Variants in LSAMP observed in about 807,000 individuals in gnomAD.
LSAMP encodes limbic system-associated membrane protein.
Under a neutral mutation model 38.6 loss-of-function variants are expected in LSAMP, and 7 were observed. That is an observed-to-expected ratio of 0.18 (90% confidence interval 0.10 to 0.34). The LOEUF is 0.34. Ranked by LOEUF, LSAMP falls within the 10% of genes least tolerant of loss-of-function variation. The probability of loss-of-function intolerance (pLI) is 1.00; values close to 1 mark genes in which losing one functional copy is unlikely to be tolerated. For synonymous variants in LSAMP, 154 were observed against 166.8 expected, an observed-to-expected ratio of 0.92 and a Z score of 0.59; for missense variants, 313 against 420.0, an observed-to-expected ratio of 0.75 and a Z score of 2.23.
intron 3 of LSAMP, among the ~76,000 whole-genome samples, chr3:115,867,753 AAC>A (rs1935902460): frequency 6.6e-6 from 1 of 151,958 alleles, no homozygotes; most frequent in Non-Finnish European, 1.5e-5. Flanking sequence ...GGTCAGGGCA[AAC>A]AGAGAGATTT....
At chr3:115,924,122 A>G (rs1937445733) in intron 3 of LSAMP, among the ~76,000 whole-genome samples, 1 of 152,128 alleles carries the variant, frequency 6.6e-6, no homozygotes, top group African/African-American at 2.4e-5. Context: ...CAAAGATACT[A>G]AAGTTTTGAA....
intron 1 of LSAMP, among the ~76,000 whole-genome samples, chr3:116,218,678 A>G (rs1445234524): frequency 6.6e-6 from 1 of 152,064 alleles, no homozygotes; most frequent in African/African-American, 2.4e-5. Context: ...CCCAGGATGG[A>G]GTTCAGTGGC....
intron 3 of LSAMP, among the ~76,000 whole-genome samples, chr3:115,982,585 A>G (rs929389761): frequency 1.3e-5 from 2 of 152,192 alleles, no homozygotes; most frequent in Admixed American, 6.5e-5. Context: ...ACACTCTGTG[A>G]CTAGTTTCTC....
intron 1 of LSAMP, among the ~76,000 whole-genome samples, chr3:116,349,007 C>T (rs1165773043): frequency 6.6e-6 from 1 of 152,076 alleles, no homozygotes; most frequent in Non-Finnish European, 1.5e-5. Flanking sequence ...GGCTTAGCTT[C>T]TCGGCAGACC....
chr3:116,429,068 A>G (rs1444272996), intron 1 of LSAMP, among the ~76,000 whole-genome samples: 1 of 152,150 alleles, frequency 6.6e-6, no homozygotes, highest in African/African-American at 2.4e-5. Flanking sequence ...CCAAAATGCT[A>G]TATTATATAT....
intron 2 of LSAMP, among the ~76,000 whole-genome samples, chr3:116,034,147 A>G (rs1031798767): frequency 1.3e-5 from 2 of 152,090 alleles, no homozygotes; most frequent in Non-Finnish European, 2.9e-5. Flanking sequence ...TGGTCATGCA[A>G]TTGGATGCAC....
intron 3 of LSAMP, among the ~76,000 whole-genome samples, chr3:115,925,413 G>T (rs1453493881): frequency 6.6e-6 from 1 of 152,148 alleles, no homozygotes; most frequent in Non-Finnish European, 1.5e-5. Context: ...TTAGAAGATA[G>T]AATTTTTTAA....
chr3:115,839,046 G>A lies in LSAMP; in HGVS notation c.919+2799C>T, dbSNP rs375762016. On this transcript the variant is annotated intron_variant, in intron 6 of 6. Transcript: ENST00000490035. ...CCCACACAGTGCTTCCGTCAGGGCC[G>A]TGGCCACAGACACCTGCCCCCAAGC... Among the ~76,000 whole-genome samples the A allele has an allele frequency of 3.9e-5, 6 of 152,122 alleles. No homozygotes were observed. In the South Asian group the frequency reaches 6.2e-4, roughly 16 times the overall value.
intron 1 of LSAMP, among the ~76,000 whole-genome samples, chr3:116,295,742 T>C (rs2047323481): frequency 6.6e-6 from 1 of 152,174 alleles, no homozygotes; most frequent in Non-Finnish European, 1.5e-5. Flanking sequence ...CAAAAAGGTA[T>C]TATGTATTGA....
intron 3 of LSAMP, among the ~76,000 whole-genome samples, chr3:115,981,335 C>A (rs1047009254): frequency 4.0e-5 from 6 of 151,846 alleles, no homozygotes; most frequent in African/African-American, 1.5e-4. Context: ...AAAGCTAGAC[C>A]TTTTGCAATG....
intron 1 of LSAMP, among the ~76,000 whole-genome samples, chr3:116,350,694 G>T (rs1559837710): frequency 1.3e-5 from 2 of 151,560 alleles, no homozygotes; most frequent in Admixed American, 6.6e-5. Flanking sequence ...TGAACATGCC[G>T]AAGAGAAGCC....
At chr3:116,105,485 C>T (rs916940665) in intron 1 of LSAMP, among the ~76,000 whole-genome samples, 10 of 150,830 alleles carry the variant, frequency 6.6e-5, no homozygotes, top group African/African-American at 2.2e-4. Flanking sequence ...GGGGTGGGGC[C>T]GTTTTATAGG....
intron 6 of LSAMP, among the ~76,000 whole-genome samples, chr3:115,825,841 T>G (rs548684443): frequency 6.6e-6 from 1 of 152,224 alleles, no homozygotes; most frequent in Non-Finnish European, 1.5e-5. Context: ...GTATTCTAGC[T>G]ATTCTGAAAT....
intron 1 of LSAMP, among the ~76,000 whole-genome samples, chr3:116,186,802 C>T (rs1710629498): frequency 6.6e-6 from 1 of 152,090 alleles, no homozygotes; most frequent in South Asian, 2.1e-4. Flanking sequence ...TCCCTCTGTC[C>T]TAGAAAATCA....
At chr3:116,120,345 G>C (rs911306026) in intron 1 of LSAMP, among the ~76,000 whole-genome samples, 4 of 152,078 alleles carry the variant, frequency 2.6e-5, no homozygotes, top group Non-Finnish European at 2.9e-5. Flanking sequence ...AAATCTGTAA[G>C]AATACAATAT....
intron 3 of LSAMP, among the ~76,000 whole-genome samples, chr3:115,977,396 G>T (rs1192518881): frequency 1.3e-5 from 2 of 151,956 alleles, no homozygotes; most frequent in Admixed American, 1.3e-4. Flanking sequence ...TGATCTCTGG[G>T]GTGTTTCCCA....
At chr3:116,411,934 TTC>T in intron 1 of LSAMP, among the ~76,000 whole-genome samples, 1 of 152,016 alleles carries the variant, frequency 6.6e-6, no homozygotes, top group Non-Finnish European at 1.5e-5. Flanking sequence ...TGACCCCCAT[TTC>T]TCTGTCTTGT....
chr3:115,894,493 T>C (rs1936680313), intron 3 of LSAMP, among the ~76,000 whole-genome samples: 1 of 152,076 alleles, frequency 6.6e-6, no homozygotes, highest in South Asian at 2.1e-4. Flanking sequence ...TCTACCTTTA[T>C]GCTAGAATTT....
chr3:116,148,173 GGTTA>G (rs750832175), intron 1 of LSAMP, among the ~76,000 whole-genome samples: 107 of 148,664 alleles, frequency 7.2e-4, no homozygotes, highest in Non-Finnish European at 1.3e-3. Context: ...TTCTCTCAGA[GGTTA>G]GTTAAAATAA....
Sources: gnomAD v4.1 joint callset for allele counts (sites outside exome capture counted in the v4.1 genomes callset) on GRCh38, gnomAD v4.1.1 for gene constraint, MANE v1.5 for transcripts, NCBI Gene and HGNC (gene_info 2026-07-23, HGNC 2026-07-21) for gene names.